Variants in CSMD1 observed in about 807,000 individuals in gnomAD.
CSMD1 encodes the protein CUB and Sushi multiple domains 1.
CSMD1 carries 213 observed loss-of-function variants against 417.5 expected under a neutral mutation model. That is an observed-to-expected ratio of 0.51 (90% CI 0.46 to 0.57). The LOEUF (loss-of-function observed/expected upper bound fraction) is 0.57, where lower values mean the gene tolerates loss of function less well. Ranked by LOEUF, CSMD1 falls within the 20% of genes least tolerant of loss-of-function variation. The pLI, the probability that CSMD1 is intolerant of heterozygous loss-of-function variation, is 0.00. For missense variants in CSMD1, 6,923 were observed against 4,529.7 expected (o/e 1.53, Z -15.17); for synonymous variants, 2,862 against 1,736.8 (o/e 1.65, Z -16.11).
At chr8:4,227,106 G>T (rs373519419) in intron 3 of CSMD1, among the ~76,000 whole-genome samples, 2 of 152,194 alleles carry the variant, frequency 1.3e-5, no homozygotes, top group South Asian at 2.1e-4. Flanking sequence ...TCTTTTCTGG[G>T]AAGGAAATCG....
chr8:3,514,202 T>G (rs995010642), intron 10 of CSMD1, among the ~76,000 whole-genome samples: 2 of 152,282 alleles, frequency 1.3e-5, no homozygotes, highest in South Asian at 2.1e-4. Context: ...GACATGCTCT[T>G]GTGTAAAGGA....
intron 3 of CSMD1, among the ~76,000 whole-genome samples, chr8:4,315,321 C>G (rs567488092): frequency 6.6e-6 from 1 of 152,188 alleles, no homozygotes; most frequent in African/African-American, 2.4e-5. Context: ...TCCACAGCGT[C>G]TTCTAGCTGC....
At chr8:4,770,021 G>A (rs1030227461) in intron 1 of CSMD1, among the ~76,000 whole-genome samples, 1 of 151,832 alleles carries the variant, frequency 6.6e-6, no homozygotes, top group Non-Finnish European at 1.5e-5. Flanking sequence ...ACATTATTCT[G>A]TTACTCCGGT....
intron 2 of CSMD1, among the ~76,000 whole-genome samples, chr8:4,467,821 A>G (rs2130015743): frequency 6.6e-6 from 1 of 152,324 alleles, no homozygotes; most frequent in South Asian, 2.1e-4. Flanking sequence ...AAATAATTGG[A>G]CAAACTCAAT....
chr8:3,139,211 C>T (rs984314433), intron 41 of CSMD1, among the ~76,000 whole-genome samples: 5 of 152,118 alleles, frequency 3.3e-5, no homozygotes, highest in African/African-American at 7.2e-5. Context: ...GGCACAGGCA[C>T]AAGAGTTATC....
intron 26 of CSMD1, among the ~76,000 whole-genome samples, chr8:3,274,887 G>A (rs1191248773): frequency 6.6e-6 from 1 of 152,138 alleles, no homozygotes; most frequent in Non-Finnish European, 1.5e-5. Flanking sequence ...TGTCCAGTTT[G>A]CCAGTCTGTG....
intron 2 of CSMD1, among the ~76,000 whole-genome samples, chr8:4,458,091 A>G (rs375669221): frequency 2.0e-5 from 3 of 152,038 alleles, no homozygotes; most frequent in East Asian, 3.8e-4. Context: ...AACTCCTTAT[A>G]TACTTAATAT....
chr8:4,297,385 T>C (rs1214266810), intron 3 of CSMD1, among the ~76,000 whole-genome samples: 3 of 152,086 alleles, frequency 2.0e-5, no homozygotes, highest in Non-Finnish European at 1.5e-5. Context: ...TTCAGCGTAC[T>C]GTAATTCATT....
intron 5 of CSMD1, among the ~76,000 whole-genome samples, chr8:3,871,361 T>G (rs1805470067): frequency 6.6e-6 from 1 of 152,118 alleles, no homozygotes; most frequent in Non-Finnish European, 1.5e-5. Flanking sequence ...TTATGTCTCT[T>G]ACTAAAATAA....
intron 5 of CSMD1, among the ~76,000 whole-genome samples, chr8:3,959,445 G>T (rs1008123950): frequency 9.9e-5 from 15 of 152,196 alleles, no homozygotes; most frequent in African/African-American, 3.4e-4. Context: ...GTTGCAGTGA[G>T]CCAAGATCAC....
chr8:4,809,264 G>C (rs919624576), intron 1 of CSMD1, among the ~76,000 whole-genome samples: 2 of 152,062 alleles, frequency 1.3e-5, no homozygotes, highest in Non-Finnish European at 2.9e-5. Flanking sequence ...TTCTAATGAA[G>C]GGCAATAAGA....
At chr8:4,060,895 C>G (rs1395781595) in intron 3 of CSMD1, among the ~76,000 whole-genome samples, 2 of 152,160 alleles carry the variant, frequency 1.3e-5, no homozygotes, top group African/African-American at 4.8e-5. Context: ...ATAAAACTCC[C>G]ACTAAGCCTG....
At chr8:3,449,666 T>A (rs1815561623) in intron 12 of CSMD1, among the ~76,000 whole-genome samples, 1 of 152,194 alleles carries the variant, frequency 6.6e-6, no homozygotes, top group African/African-American at 2.4e-5. Context: ...TACAGGTGAC[T>A]GCAACCATGC....
intron 21 of CSMD1, 34 bp downstream of exon 21, chr8:3,359,118 T>G (rs377583357): frequency 3.7e-6 from 6 of 1,605,228 alleles, no homozygotes; most frequent in Middle Eastern, 1.7e-4. Flanking sequence ...CCTGCCCCCA[T>G]GGATGAATGA....
intron 15 of CSMD1, among the ~76,000 whole-genome samples, chr8:3,405,741 C>T (rs1307274047): frequency 6.6e-6 from 1 of 152,136 alleles, no homozygotes; most frequent in Non-Finnish European, 1.5e-5. Flanking sequence ...CTTCTCCAGC[C>T]ATGGAATGCC....
At chr8:4,745,213 T>C (rs1810875673) in intron 1 of CSMD1, among the ~76,000 whole-genome samples, 1 of 152,202 alleles carries the variant, frequency 6.6e-6, no homozygotes. Flanking sequence ...TACAAAGTTA[T>C]AGCTATCCAG....
chr8:3,999,558 C>G (rs77514157), intron 4 of CSMD1, among the ~76,000 whole-genome samples: 2,430 of 152,262 alleles, frequency 0.016, 73 homozygotes, highest in East Asian at 0.13. Flanking sequence ...TAGCTGCCTT[C>G]AGTTTACTCA....
chr8:4,929,769 CAGG>C (rs1190102142), intron 1 of CSMD1, among the ~76,000 whole-genome samples: 2 of 152,178 alleles, frequency 1.3e-5, no homozygotes, highest in African/African-American at 4.8e-5. Context: ...TTATAAGCCA[CAGG>C]AGATGATGGT....
intron 5 of CSMD1, among the ~76,000 whole-genome samples, chr8:3,762,850 C>T (rs918541204): frequency 6.6e-6 from 1 of 152,116 alleles, no homozygotes; most frequent in Non-Finnish European, 1.5e-5. Flanking sequence ...AGTAAGCAGC[C>T]GAGACACGGT....
Sources: gnomAD v4.1 joint callset for allele counts (sites outside exome capture counted in the v4.1 genomes callset) on GRCh38, gnomAD v4.1.1 for gene constraint, MANE v1.5 for transcripts, NCBI Gene and HGNC (gene_info 2026-07-23, HGNC 2026-07-21) for gene names.